Variants in LUZP2 observed in about 807,000 individuals in gnomAD.
LUZP2 encodes leucine zipper protein 2.
A neutral mutation model predicts 51.6 loss-of-function variants in LUZP2; 52 were observed. That is an observed-to-expected ratio of 1.01 (90% CI 0.81 to 1.27). The LOEUF is 1.27. Among genes scored for constraint, LUZP2 ranks in the 50% most tolerant of loss-of-function variants. The pLI, the probability that LUZP2 is intolerant of heterozygous loss-of-function variation, is 0.00. For missense variants in LUZP2, 436 were observed against 395.4 expected (o/e 1.10, Z -0.87); for synonymous variants, 154 against 137.3 (o/e 1.12, Z -0.85).
intron 1 of LUZP2, among the ~76,000 whole-genome samples, chr11:24,523,948 T>C (rs995475892): frequency 9.9e-5 from 15 of 151,754 alleles, no homozygotes; most frequent in African/African-American, 3.4e-4. Context: ...AAACCTGAGG[T>C]CAGGTGAGGC....
At chr11:24,680,455 A>G (rs958320577) in intron 1 of LUZP2, among the ~76,000 whole-genome samples, 10 of 152,202 alleles carry the variant, frequency 6.6e-5, no homozygotes, top group Non-Finnish European at 1.5e-4. Flanking sequence ...CAGACTTCTC[A>G]GTGTCCCAGT....
intron 5 of LUZP2, chr11:24,891,933 A>G: frequency 1.0e-6 from 1 of 985,624 alleles, no homozygotes; most frequent in South Asian, 4.7e-5. Context: ...AAAGAGGTGA[A>G]AAATGGCTTA....
intron 1 of LUZP2, among the ~76,000 whole-genome samples, chr11:24,669,734 TGCTTTTGTACTGTGATGCAAAATAG>T (rs1856340722): frequency 6.6e-6 from 1 of 152,092 alleles, no homozygotes; most frequent in South Asian, 2.1e-4. Context: ...TGAGGAATTG[TGCTTTTGTACTGTGATGCAAAATAG>T]GCACCTGGTC....
At chr11:24,861,357 G>A (rs1326312070) in intron 5 of LUZP2, among the ~76,000 whole-genome samples, 1 of 152,150 alleles carries the variant, frequency 6.6e-6, no homozygotes, top group African/African-American at 2.4e-5. Flanking sequence ...TGGGGAGAAT[G>A]TAAACAAGCT....
In LUZP2 at chr11:24,729,228, T is replaced by A. The variant is rs1858613940; in HGVS notation, c.122T>A (p.Ile41Asn). 6.3e-7 allele frequency: 1 copy of A among 1,579,248 alleles called. No homozygotes were observed. Among genetic ancestry groups the A allele is most frequent in the Admixed American group, 1.7e-5 (1 of 58,468 alleles). ...LKEVFKERST[I>N]LRQLTKTSRE... ...GAAGTCTTTAAGGAGCGAAGCACCA[T>A]TCTTCGTCAGCTGACAAAGACATCA... The change falls in exon 2 of 12, where the codon ATT (isoleucine) becomes AAT (asparagine). Residue 41 changes from isoleucine (I) to asparagine (N), a missense_variant. Ile to Asn is a moderately radical substitution (Grantham distance 149). Coordinates refer to ENST00000336930, the MANE Select transcript of LUZP2 (RefSeq NM_001009909.4).
At chr11:24,863,935 A>C (rs1851812242) in intron 5 of LUZP2, among the ~76,000 whole-genome samples, 1 of 152,182 alleles carries the variant, frequency 6.6e-6, no homozygotes, top group African/African-American at 2.4e-5. Flanking sequence ...CAATTGAACA[A>C]ATTGTAATTA....
intron 5 of LUZP2, among the ~76,000 whole-genome samples, chr11:24,788,064 C>T (rs1218136238): frequency 6.6e-6 from 1 of 152,016 alleles, no homozygotes; most frequent in Non-Finnish European, 1.5e-5. Flanking sequence ...TACTTAAATT[C>T]ATTATCAGTA....
chr11:24,895,802 G>C (rs1022551707), intron 5 of LUZP2, among the ~76,000 whole-genome samples: 3 of 152,214 alleles, frequency 2.0e-5, no homozygotes, highest in Non-Finnish European at 4.4e-5. Flanking sequence ...GAACATGTGA[G>C]TGCATGTGTC....
intron 6 of LUZP2, among the ~76,000 whole-genome samples, chr11:24,908,196 A>G (rs1853516205): frequency 6.6e-6 from 1 of 152,202 alleles, no homozygotes; most frequent in Admixed American, 6.5e-5. Flanking sequence ...AAATATCTAA[A>G]TCCCATTGAC....
chr11:24,919,723 C>G (rs1193233222), intron 7 of LUZP2, among the ~76,000 whole-genome samples: 1 of 149,492 alleles, frequency 6.7e-6, no homozygotes, highest in Admixed American at 6.7e-5. Context: ...TTATTTTTAA[C>G]TTGAGTTATA....
intron 10 of LUZP2, among the ~76,000 whole-genome samples, chr11:25,058,119 G>T (rs1329890377): frequency 6.6e-6 from 1 of 151,858 alleles, no homozygotes; most frequent in South Asian, 2.1e-4. Flanking sequence ...CATCTGAAGA[G>T]GTTGGCTTCA....
chr11:24,925,423 A>G (rs1298281294), intron 7 of LUZP2, among the ~76,000 whole-genome samples: 1 of 152,246 alleles, frequency 6.6e-6, no homozygotes, highest in Admixed American at 6.5e-5. Flanking sequence ...TAAAAGAACC[A>G]ACAGCTTAGA....
intron 7 of LUZP2, among the ~76,000 whole-genome samples, chr11:24,938,244 T>C (rs1462580617): frequency 4.6e-5 from 7 of 152,148 alleles, no homozygotes; most frequent in Admixed American, 1.3e-4. Context: ...TAATAAAGTT[T>C]TTAAATCTAT....
At chr11:24,607,065 A>AT (rs1213097762) in intron 1 of LUZP2, among the ~76,000 whole-genome samples, 3 of 151,902 alleles carry the variant, frequency 2.0e-5, no homozygotes, top group South Asian at 2.1e-4. Flanking sequence ...CAGTTAAATT[A>AT]TTTTTTTGTA....
At chr11:24,588,458 G>A (rs572748640) in intron 1 of LUZP2, among the ~76,000 whole-genome samples, 49 of 152,160 alleles carry the variant, frequency 3.2e-4, no homozygotes, top group African/African-American at 1.2e-3. Flanking sequence ...AAAAATGATT[G>A]CAAAGAAATG....
intron 1 of LUZP2, among the ~76,000 whole-genome samples, chr11:24,690,931 G>T (rs1857045168): frequency 2.0e-5 from 3 of 151,996 alleles, no homozygotes; most frequent in Admixed American, 6.6e-5. Context: ...ATTTTAAGAT[G>T]ATAATTCAGT....
At chr11:24,935,584 C>A (rs1226565975) in intron 7 of LUZP2, among the ~76,000 whole-genome samples, 1 of 152,082 alleles carries the variant, frequency 6.6e-6, no homozygotes, top group Non-Finnish European at 1.5e-5. Context: ...GGATTTACTG[C>A]ATCTTCAAGT....
At chr11:24,991,338 A>ACG (rs1554950999) in intron 9 of LUZP2, among the ~76,000 whole-genome samples, 3 of 123,298 alleles carry the variant, frequency 2.4e-5, no homozygotes, top group African/African-American at 9.4e-5. Flanking sequence ...CATCATATAT[A>ACG]TGTGTGTGTG....
At chr11:24,899,284 A>G (rs1853195555) in intron 5 of LUZP2, among the ~76,000 whole-genome samples, 1 of 152,180 alleles carries the variant, frequency 6.6e-6, no homozygotes, top group Admixed American at 6.6e-5. Context: ...GTAATTATGT[A>G]TGGCAGAGTG....
Sources: gnomAD v4.1 joint callset for allele counts (sites outside exome capture counted in the v4.1 genomes callset) on GRCh38, gnomAD v4.1.1 for gene constraint, MANE v1.5 for transcripts, NCBI Gene and HGNC (gene_info 2026-07-23, HGNC 2026-07-21) for gene names.